The following SAMD12 variants were observed in gnomAD, a reference collection of about 807,000 sequenced individuals.
SAMD12 encodes sterile alpha motif domain containing 12, also known as sterile alpha motif domain-containing protein 12.
Under a neutral mutation model 15.0 loss-of-function variants are expected in SAMD12, and 9 were observed. The observed-to-expected ratio is 0.60, with a 90% CI of 0.36 to 1.05. The LOEUF is 1.05. Ranked by LOEUF, SAMD12 falls within the 50% of genes least tolerant of loss-of-function variation. The pLI, the probability that SAMD12 is intolerant of heterozygous loss-of-function variation, is 0.01. For missense variants in SAMD12, 230 were observed against 234.2 expected, an observed-to-expected ratio of 0.98 and a Z score of 0.12; for synonymous variants, 86 against 90.1, an observed-to-expected ratio of 0.96 and a Z score of 0.25.
At chr8:118,580,964 C>T in intron 1 of SAMD12, 71 bp from the exon 2 acceptor site, 1 of 1,239,450 alleles carries the variant, frequency 8.1e-7, no homozygotes. Context: ...AGAAAATATT[C>T]ATCAAGCCTA....
chr8:118,490,181 G>A (rs1480301163), intron 2 of SAMD12, among the ~76,000 whole-genome samples: 1 of 152,136 alleles, frequency 6.6e-6, no homozygotes, highest in East Asian at 1.9e-4. Context: ...AGATATGAGA[G>A]TCACGTAACT....
intron 2 of SAMD12, among the ~76,000 whole-genome samples, chr8:118,570,746 G>C (rs191350165): frequency 1.8e-3 from 270 of 152,232 alleles, no homozygotes; most frequent in African/African-American, 6.3e-3. Context: ...CGGGTCATAT[G>C]GTTTGGCTGT....
intron 2 of SAMD12, among the ~76,000 whole-genome samples, chr8:118,533,053 C>T (rs1209145196): frequency 1.3e-5 from 2 of 151,536 alleles, no homozygotes; most frequent in South Asian, 2.1e-4. Context: ...TTAGATCTTT[C>T]CTGCTTTCTC....
In SAMD12 at chr8:118,311,873, A is replaced by G. The variant is rs1815649186; in HGVS notation, c.433+67687T>C. ...TAATTAATTCCCTTAAACACCTCCA[A>G]TCATATCTCCAACAGTGTCAATTAT... On this transcript the variant is annotated intron_variant, in intron 4 of 4. Transcript: ENST00000409003. Among the ~76,000 whole-genome samples the G allele has an allele frequency of 2.6e-5, 4 of 152,028 alleles. No individual in the cohort carries two copies. The South Asian group carries it at 8.3e-4, about 32-fold the overall frequency.
chr8:118,421,417 C>T (rs1764956753), intron 3 of SAMD12, among the ~76,000 whole-genome samples: 2 of 152,128 alleles, frequency 1.3e-5, no homozygotes, highest in South Asian at 4.1e-4. Flanking sequence ...TTACTATTCT[C>T]ATTGCTCTTG....
Position 118,517,525 on chromosome 8 carries a change from T to C in SAMD12, c.192+63190A>G, listed in dbSNP as rs138881461. Among the ~76,000 whole-genome samples the C allele has an allele frequency of 2.6e-4, 39 of 152,352 alleles. No homozygotes were observed. The East Asian group carries it at 7.3e-3, about 29-fold the overall frequency. Reference sequence around the variant, plus strand: ...ATGGAAGGGAAGTATATCACATCCATGAGGGCAACCTGTCAGAATCCCAGA... The same window carrying C: ...ATGGAAGGGAAGTATATCACATCCACGAGGGCAACCTGTCAGAATCCCAGA... On this transcript the variant is annotated intron_variant, in intron 2 of 3. Coordinates refer to ENST00000314727, the MANE Select transcript of SAMD12 (RefSeq NM_207506.3).
At chr8:118,201,780 T>C in intron 4 of SAMD12, among the ~76,000 whole-genome samples, 1 of 152,242 alleles carries the variant, frequency 6.6e-6, no homozygotes, top group East Asian at 1.9e-4. Context: ...CTGGGGGCTG[T>C]CCATGTATGG....
At chr8:118,142,054 A>G in the SAMD12 span, among the ~76,000 whole-genome samples, 22 of 152,144 alleles carry the variant, frequency 1.4e-4, no homozygotes, top group Middle Eastern at 3.2e-3. Context: ...TTGTGGCCCC[A>G]ACTAGAGATT....
intron 1 of SAMD12, among the ~76,000 whole-genome samples, chr8:118,596,569 T>C (rs1827730315): frequency 6.6e-6 from 1 of 152,198 alleles, no homozygotes; most frequent in Admixed American, 6.5e-5. Flanking sequence ...ATACTAACTT[T>C]GGAGGAAGCG....
rs557235661 is a variant in SAMD12 at position 118,546,924 on chromosome 8, G to A, written c.192+33791C>T. The stretch of plus-strand genomic sequence containing the variant: ...AAACCAAATTCAGGCATTTAATTAA[G>A]GATACAAAGATTTCCCTCATCCAAG... On this transcript the variant is annotated intron_variant, in intron 2 of 3. Coordinates refer to ENST00000314727, the MANE Select transcript of SAMD12 (RefSeq NM_207506.3). Among the ~76,000 whole-genome samples the A allele has an allele frequency of 2.0e-5, 3 of 152,166 alleles. No individual in the cohort carries two copies. The East Asian group carries it at 5.8e-4, about 29-fold the overall frequency.
chr8:118,327,714 C>T (rs1214445070), intron 4 of SAMD12, among the ~76,000 whole-genome samples: 1 of 152,120 alleles, frequency 6.6e-6, no homozygotes, highest in African/African-American at 2.4e-5. Flanking sequence ...CCATATGGTA[C>T]ATATCTGTGG....
the SAMD12 span, among the ~76,000 whole-genome samples, chr8:118,164,686 T>C: frequency 4.1e-5 from 6 of 145,408 alleles, no homozygotes; most frequent in Middle Eastern, 7.1e-3. Context: ...TTTACAGCTA[T>C]AGGCAATTTT....
intron 4 of SAMD12, among the ~76,000 whole-genome samples, chr8:118,315,837 T>C (rs2130420369): frequency 6.6e-6 from 1 of 152,164 alleles, no homozygotes; most frequent in East Asian, 1.9e-4. Flanking sequence ...TAGGGGGTGC[T>C]GGTTGGTGGG....
At chr8:118,199,530 T>A (rs541326608) in intron 4 of SAMD12, among the ~76,000 whole-genome samples, 101 of 152,274 alleles carry the variant, frequency 6.6e-4, no homozygotes, top group African/African-American at 2.3e-3. Context: ...AATACAATTT[T>A]AAAAAAGAAT....
intron 4 of SAMD12, chr8:118,284,748 C>T (rs7842529): frequency 1.8e-5 from 3 of 163,390 alleles, no homozygotes; most frequent in East Asian, 3.6e-4. Flanking sequence ...CGAGACCATC[C>T]TGGCTAACAC....
chr8:118,589,067 G>A (rs1287837237), intron 1 of SAMD12, among the ~76,000 whole-genome samples: 1 of 152,156 alleles, frequency 6.6e-6, no homozygotes, highest in Non-Finnish European at 1.5e-5. Context: ...CCCCCAGCAA[G>A]TCTAAGTGGC....
intron 4 of SAMD12, among the ~76,000 whole-genome samples, chr8:118,201,317 T>C (rs1240770584): frequency 6.6e-6 from 1 of 152,148 alleles, no homozygotes. Context: ...CTTCTTTATA[T>C]ACCCTCTAGC....
intron 4 of SAMD12, among the ~76,000 whole-genome samples, chr8:118,286,965 T>A (rs946567824): frequency 6.6e-6 from 1 of 152,154 alleles, no homozygotes; most frequent in Non-Finnish European, 1.5e-5. Flanking sequence ...CCTCACTCAT[T>A]CCTGCCTTGT....
At chr8:118,476,082 T>C (rs570576546) in intron 2 of SAMD12, among the ~76,000 whole-genome samples, 7 of 152,288 alleles carry the variant, frequency 4.6e-5, no homozygotes, top group African/African-American at 1.4e-4. Flanking sequence ...TGTGCTTGGG[T>C]GTCATTATTA....
Sources: gnomAD v4.1 joint callset for allele counts (sites outside exome capture counted in the v4.1 genomes callset) on GRCh38, gnomAD v4.1.1 for gene constraint, MANE v1.5 for transcripts, NCBI Gene and HGNC (gene_info 2026-07-23, HGNC 2026-07-21) for gene names.